The following PTGER3 variants were observed in gnomAD, a reference collection of about 807,000 sequenced individuals.
The protein encoded by PTGER3 is prostaglandin E receptor 3.
Under a neutral mutation model 34.7 loss-of-function variants are expected in PTGER3, and 22 were observed. The ratio of observed to expected loss-of-function variants is 0.63; its 90% CI spans 0.45 to 0.91. The LOEUF (loss-of-function observed/expected upper bound fraction) is 0.91, where lower values mean the gene tolerates loss of function less well. PTGER3 is among the 40% of genes least tolerant of loss of function. PTGER3 has a pLI of 0.00. For synonymous variants in PTGER3, 241 were observed against 230.1 expected (o/e 1.05, Z -0.43); for missense variants, 468 against 519.4 (o/e 0.90, Z 0.96).
chr1:70,940,498 A>C (rs1557671117), intron 4 of PTGER3, among the ~76,000 whole-genome samples: 1 of 152,164 alleles, frequency 6.6e-6, no homozygotes, highest in Non-Finnish European at 1.5e-5. Context: ...CATACCCGAG[A>C]CTGGGAAGAA....
intron 2 of PTGER3, chr1:70,997,257 G>A (rs1431608219): frequency 2.6e-5 from 4 of 152,130 alleles, no homozygotes; most frequent in African/African-American, 9.7e-5. Context: ...GGGTGACAGA[G>A]GGAGACTGTC....
intron 4 of PTGER3, among the ~76,000 whole-genome samples, chr1:70,935,848 G>A (rs910351277): frequency 8.6e-5 from 13 of 151,924 alleles, no homozygotes; most frequent in African/African-American, 3.1e-4. Context: ...GAGGACAGTA[G>A]AACTAGGTCT....
downstream of PTGER3, among the ~76,000 whole-genome samples, chr1:70,952,082 G>T (rs1650814274): frequency 6.6e-6 from 1 of 152,098 alleles, no homozygotes; most frequent in African/African-American, 2.4e-5. Context: ...GTGGGCTGGT[G>T]GGGGCAAGTG....
chr1:70,936,839 A>G (rs1379824515), intron 4 of PTGER3, among the ~76,000 whole-genome samples: 3 of 152,166 alleles, frequency 2.0e-5, no homozygotes, highest in African/African-American at 7.2e-5. Flanking sequence ...TTAAAATTTC[A>G]TTATTGCAGA....
At chr1:71,036,260 C>A (rs995458197) in intron 1 of PTGER3, among the ~76,000 whole-genome samples, 2 of 152,172 alleles carry the variant, frequency 1.3e-5, no homozygotes, top group African/African-American at 2.4e-5. Flanking sequence ...AGAAACTGAA[C>A]CTCTTCTCTC....
chr1:70,981,257 T>C (rs900312524), intron 2 of PTGER3, among the ~76,000 whole-genome samples: 4 of 152,104 alleles, frequency 2.6e-5, no homozygotes, highest in Non-Finnish European at 5.9e-5. Flanking sequence ...TCTCCTTTTT[T>C]TTCTTTTCTT....
intron 3 of PTGER3, among the ~76,000 whole-genome samples, chr1:70,972,169 A>T (rs1163762477): frequency 6.6e-6 from 1 of 152,042 alleles, no homozygotes; most frequent in African/African-American, 2.4e-5. Flanking sequence ...CTACTAATAC[A>T]AAAATTAGCT....
intron 2 of PTGER3, among the ~76,000 whole-genome samples, chr1:70,954,500 A>G (rs1175017184): frequency 1.3e-5 from 2 of 152,150 alleles, no homozygotes; most frequent in African/African-American, 2.4e-5. Flanking sequence ...TAGTCTCCTC[A>G]TATTAATCCT....
At chr1:71,019,097 T>G (rs1250300642) in intron 1 of PTGER3, among the ~76,000 whole-genome samples, 1 of 152,172 alleles carries the variant, frequency 6.6e-6, no homozygotes, top group East Asian at 1.9e-4. Flanking sequence ...AAGCCATAAT[T>G]ATAATTTCTG....
At chr1:71,038,542 G>T (rs922847147) in intron 1 of PTGER3, among the ~76,000 whole-genome samples, 1 of 152,088 alleles carries the variant, frequency 6.6e-6, no homozygotes, top group Non-Finnish European at 1.5e-5. Flanking sequence ...TTAGATCGAT[G>T]ATCCTTCAAA....
intron 1 of PTGER3, among the ~76,000 whole-genome samples, chr1:71,041,553 C>T (rs1200913724): frequency 6.6e-6 from 1 of 152,092 alleles, no homozygotes; most frequent in African/African-American, 2.4e-5. Context: ...AAGAGGAACC[C>T]CCCCAAAATG....
intron 4 of PTGER3, among the ~76,000 whole-genome samples, chr1:70,917,179 C>A (rs956244655): frequency 6.6e-6 from 1 of 151,400 alleles, no homozygotes; most frequent in African/African-American, 2.4e-5. Context: ...TTTCCTGGTC[C>A]CCCTGCAACC....
At chr1:70,921,579 C>A (rs1049196159) in intron 4 of PTGER3, among the ~76,000 whole-genome samples, 20 of 151,992 alleles carry the variant, frequency 1.3e-4, no homozygotes, top group Non-Finnish European at 2.4e-4. Flanking sequence ...GCTTAGGACA[C>A]CCCTAAACCT....
rs1206821723 is a variant in PTGER3, at chr1:70,983,399, A to C, written c.1078-9011T>G. ...TATCAGTTCCATTGAGGCAGGGTTC[A>C]AATCTACCTTGTTTCTGCTCTATGC... On this transcript the variant is annotated intron_variant, in intron 2 of 3. Coordinates refer to ENST00000306666, the MANE Select transcript of PTGER3 (RefSeq NM_198719.2). Among the ~76,000 whole-genome samples the C allele has an allele frequency of 5.9e-5, 9 of 152,166 alleles. 1 individual carries two copies. The highest frequency in any genetic ancestry group is 2.2e-4 in the African/African-American group (9 of 41,420).
intron 4 of PTGER3, among the ~76,000 whole-genome samples, chr1:70,938,921 A>T (rs1044190096): frequency 7.9e-5 from 12 of 152,128 alleles, no homozygotes; most frequent in Non-Finnish European, 1.8e-4. Flanking sequence ...TCACGTTTCA[A>T]AACCAGTCAT....
At chr1:70,885,041 C>G (rs1292728000) in intron 4 of PTGER3, among the ~76,000 whole-genome samples, 2 of 152,098 alleles carry the variant, frequency 1.3e-5, no homozygotes, top group Non-Finnish European at 2.9e-5. Flanking sequence ...TCTAACTATT[C>G]CAAGATCATT....
At chr1:70,985,369 ACCATAGAGACT>A (rs1204212426) in intron 2 of PTGER3, among the ~76,000 whole-genome samples, 1 of 152,130 alleles carries the variant, frequency 6.6e-6, no homozygotes, top group Non-Finnish European at 1.5e-5. Context: ...AAAGCTGAAC[ACCATAGAGACT>A]GCCATGGAGT....
intron 2 of PTGER3, among the ~76,000 whole-genome samples, chr1:70,960,542 C>T (rs957778614): frequency 2.0e-5 from 3 of 152,032 alleles, no homozygotes; most frequent in Admixed American, 6.6e-5. Flanking sequence ...TCTCTGGATA[C>T]GTTCCAGTAT....
Position 70,916,726 on chromosome 1 carries a change from C to T in PTGER3, c.*23+37037G>A, listed in dbSNP as rs895798395. On this transcript the variant is annotated intron_variant, in intron 4 of 4. Coordinates refer to the PTGER3 transcript ENST00000370931. The stretch of plus-strand genomic sequence containing the variant: ...ACAATAGATACTGCAGACAACTGGG[C>T]GTGGGGGAGGAGGAGAATGTGGGTT... 4.0e-5 allele frequency among the ~76,000 whole-genome samples: 6 copies of T among 151,690 alleles called. No homozygotes were observed. In the East Asian group the frequency reaches 9.6e-4, roughly 24 times the overall value.
Sources: allele counts gnomAD v4.1 joint callset (sites outside exome capture counted in the v4.1 genomes callset), GRCh38; gene constraint gnomAD v4.1.1; transcripts MANE v1.5; gene names NCBI Gene and HGNC (gene_info 2026-07-23, HGNC 2026-07-21).